Variants in PPARGC1A observed in about 807,000 individuals in gnomAD.
PPARGC1A encodes peroxisome proliferator-activated receptor gamma coactivator 1-alpha.
PPARGC1A carries 25 observed loss-of-function variants against 88.7 expected under a neutral mutation model. The observed-to-expected ratio is 0.28, with a 90% CI of 0.21 to 0.39. The LOEUF is 0.39. PPARGC1A is among the 10% of genes least tolerant of loss of function. The pLI is 1.00. For missense variants in PPARGC1A, 880 were observed against 968.7 expected, an observed-to-expected ratio of 0.91 and a Z score of 1.22; for synonymous variants, 363 against 355.6, an observed-to-expected ratio of 1.02 and a Z score of -0.24.
the PPARGC1A span, among the ~76,000 whole-genome samples, chr4:23,943,606 C>T: frequency 3.9e-5 from 6 of 152,164 alleles, no homozygotes; most frequent in East Asian, 1.9e-4. Context: ...AATCATGCTT[C>T]CCCCTCTAGA....
chr4:24,389,376 C>T, the PPARGC1A span, among the ~76,000 whole-genome samples: 3 of 152,246 alleles, frequency 2.0e-5, no homozygotes, highest in East Asian at 5.8e-4. Flanking sequence ...TAGAAGGAGG[C>T]TCCAGAGTCA....
chr4:23,866,785 G>C (rs1471291062), intron 2 of PPARGC1A, among the ~76,000 whole-genome samples: 1 of 151,832 alleles, frequency 6.6e-6, no homozygotes, highest in South Asian at 2.1e-4. Flanking sequence ...TTTTAGCTTG[G>C]CTTGCTGTAG....
chr4:23,818,062 C>A (rs1577383859), intron 7 of PPARGC1A, among the ~76,000 whole-genome samples: 1 of 152,172 alleles, frequency 6.6e-6, no homozygotes, highest in Admixed American at 6.5e-5. Flanking sequence ...ATGCCACTAC[C>A]TTTGCTCATC....
chr4:24,339,843 A>G, the PPARGC1A span, among the ~76,000 whole-genome samples: 1 of 151,972 alleles, frequency 6.6e-6, no homozygotes, highest in Non-Finnish European at 1.5e-5. Context: ...GGTTCACTCC[A>G]TTCTCCTGCC....
intron 1 of PPARGC1A, among the ~76,000 whole-genome samples, chr4:23,895,987 T>C (rs1457565938): frequency 1.1e-4 from 4 of 37,230 alleles, no homozygotes; most frequent in Admixed American, 1.8e-4. Flanking sequence ...TGTGTATATA[T>C]ATATACACAC....
the PPARGC1A span, among the ~76,000 whole-genome samples, chr4:24,396,840 T>C: frequency 6.6e-6 from 1 of 152,072 alleles, no homozygotes; most frequent in African/African-American, 2.4e-5. Context: ...ACTAAAGAAG[T>C]CTATAGACTC....
chr4:24,247,525 A>C, the PPARGC1A span, among the ~76,000 whole-genome samples: 3 of 152,196 alleles, frequency 2.0e-5, no homozygotes, highest in Admixed American at 6.5e-5. Context: ...AAAATTTCAG[A>C]AGACACTCAA....
the PPARGC1A span, among the ~76,000 whole-genome samples, chr4:24,311,886 A>T: frequency 6.6e-6 from 1 of 152,160 alleles, no homozygotes; most frequent in Non-Finnish European, 1.5e-5. Flanking sequence ...TCAGGATGAA[A>T]TCATTTTTGT....
At chr4:24,034,397 T>C in the PPARGC1A span, among the ~76,000 whole-genome samples, 1 of 152,190 alleles carries the variant, frequency 6.6e-6, no homozygotes, top group African/African-American at 2.4e-5. Context: ...ATGACATTTA[T>C]AAAATAATTG....
At chr4:24,161,961 T>TACACACACAC in the PPARGC1A span, among the ~76,000 whole-genome samples, 2 of 133,940 alleles carry the variant, frequency 1.5e-5, no homozygotes, top group African/African-American at 2.9e-5. Context: ...AATTGTGATA[T>TACACACACAC]ACACACACAC....
At chr4:24,124,951 A>G in the PPARGC1A span, among the ~76,000 whole-genome samples, 1 of 152,236 alleles carries the variant, frequency 6.6e-6, no homozygotes, top group Non-Finnish European at 1.5e-5. Flanking sequence ...GGATCTTGCA[A>G]TTTCTCAGAG....
chr4:24,179,315 A>G, the PPARGC1A span, among the ~76,000 whole-genome samples: 1 of 152,176 alleles, frequency 6.6e-6, no homozygotes, highest in South Asian at 2.1e-4. Flanking sequence ...CCTCCCTTGC[A>G]GCAAGTCCCC....
At chr4:24,065,514 T>C in the PPARGC1A span, among the ~76,000 whole-genome samples, 4 of 152,168 alleles carry the variant, frequency 2.6e-5, no homozygotes, top group Admixed American at 1.3e-4. Context: ...GTGCTTTTCA[T>C]AGAATTCATA....
At chr4:23,877,962 C>T (rs1479971199) in intron 2 of PPARGC1A, 1 of 152,146 alleles carries the variant, frequency 6.6e-6, no homozygotes, top group Non-Finnish European at 1.5e-5. Flanking sequence ...ACAGTTTGTC[C>T]AATGCAGCAC....
At chr4:24,420,821 A>G in the PPARGC1A span, among the ~76,000 whole-genome samples, 1 of 152,232 alleles carries the variant, frequency 6.6e-6, no homozygotes, top group South Asian at 2.1e-4. Flanking sequence ...TAGACTGGGT[A>G]ATTCATAAAC....
At chr4:24,073,745 C>T in the PPARGC1A span, among the ~76,000 whole-genome samples, 1 of 152,152 alleles carries the variant, frequency 6.6e-6, no homozygotes, top group Non-Finnish European at 1.5e-5. Flanking sequence ...AGGAAATTAT[C>T]ATGTTGTCAC....
chr4:24,276,178 A>G, the PPARGC1A span, among the ~76,000 whole-genome samples: 1 of 152,218 alleles, frequency 6.6e-6, no homozygotes, highest in Non-Finnish European at 1.5e-5. Context: ...GCCACCTTCA[A>G]TCACCTGAAT....
At chr4:24,098,722 G>T in the PPARGC1A span, among the ~76,000 whole-genome samples, 2 of 152,164 alleles carry the variant, frequency 1.3e-5, no homozygotes, top group African/African-American at 4.8e-5. Context: ...CTATAACTGT[G>T]TAATAATACC....
chr4:24,093,661 T>C, the PPARGC1A span, among the ~76,000 whole-genome samples: 12,692 of 152,220 alleles, frequency 0.083, 614 homozygotes, highest in East Asian at 0.18. Context: ...CAGCATCCCA[T>C]AAGGACAACT....
Sources: gnomAD v4.1 joint callset for allele counts (sites outside exome capture counted in the v4.1 genomes callset) on GRCh38, gnomAD v4.1.1 for gene constraint, MANE v1.5 for transcripts, NCBI Gene and HGNC (gene_info 2026-07-23, HGNC 2026-07-21) for gene names.